The following ANXA3 variants were observed in gnomAD, a reference collection of about 807,000 sequenced individuals.
ANXA3 encodes annexin A3.
Under a neutral mutation model 48.8 loss-of-function variants are expected in ANXA3, and 46 were observed. That is an observed-to-expected ratio of 0.94 (90% CI 0.74 to 1.21). The LOEUF is 1.21. Among genes scored for constraint, ANXA3 ranks in the 50% most tolerant of loss-of-function variants. The pLI is 0.00. For missense variants in ANXA3, 383 were observed against 378.6 expected (o/e 1.01, Z -0.10); for synonymous variants, 128 against 134.7 (o/e 0.95, Z 0.35).
chr4:78,596,846 C>T (rs1278290389), intron 9 of ANXA3, among the ~76,000 whole-genome samples: 1 of 152,132 alleles, frequency 6.6e-6, no homozygotes, highest in Non-Finnish European at 1.5e-5. Context: ...TCAAGAAATT[C>T]AAATGCCTTC....
chr4:78,569,167 C>A (rs1231007134), intron 2 of ANXA3, among the ~76,000 whole-genome samples: 1 of 152,126 alleles, frequency 6.6e-6, no homozygotes, highest in African/African-American at 2.4e-5. Context: ...CTGGCTTCAG[C>A]AGCATTTTTC....
intron 6 of ANXA3, among the ~76,000 whole-genome samples, chr4:78,588,173 C>T (rs1005338210): frequency 6.6e-6 from 1 of 151,968 alleles, no homozygotes; most frequent in African/African-American, 2.4e-5. Context: ...GGGCAGATTG[C>T]GTGAGCCAAG....
intron 2 of ANXA3, among the ~76,000 whole-genome samples, chr4:78,558,343 A>G (rs1722559087): frequency 6.6e-6 from 1 of 152,280 alleles, no homozygotes; most frequent in South Asian, 2.1e-4. Flanking sequence ...CTACTGAACT[A>G]TACACTTAGA....
chr4:78,579,138 A>G lies in ANXA3; in HGVS notation c.198+17A>G. On this transcript the variant is annotated intron_variant, in intron 4 of 12. Transcript: ENST00000264908. Reference sequence around the variant, plus strand: ...TATGGAAAGGTAAGGTCACATTAACATGACAGGCAGTAAAGAGATCATTAA... The same window carrying G: ...TATGGAAAGGTAAGGTCACATTAACGTGACAGGCAGTAAAGAGATCATTAA... The G allele has an allele frequency of 6.4e-7, 1 of 1,557,770 alleles. No individual in the cohort carries two copies. The highest frequency in any genetic ancestry group is 8.8e-7 in the Non-Finnish European group (1 of 1,131,242).
At chr4:78,573,468 A>G (rs943964573) in intron 3 of ANXA3, among the ~76,000 whole-genome samples, 3 of 152,202 alleles carry the variant, frequency 2.0e-5, no homozygotes, top group African/African-American at 7.2e-5. Context: ...TAATATTAAA[A>G]ATTACCACTG....
At chr4:78,593,557 A>T (rs1316686532) in intron 7 of ANXA3, among the ~76,000 whole-genome samples, 1 of 149,602 alleles carries the variant, frequency 6.7e-6, no homozygotes, top group Non-Finnish European at 1.5e-5. Flanking sequence ...CTTCAGATTT[A>T]TGGAAAAATT....
chr4:78,561,604 C>T (rs1480334646), intron 2 of ANXA3, among the ~76,000 whole-genome samples: 1 of 152,116 alleles, frequency 6.6e-6, no homozygotes, highest in African/African-American at 2.4e-5. Context: ...GAGGAGAAAG[C>T]TGTGTTCATG....
intron 1 of ANXA3, among the ~76,000 whole-genome samples, chr4:78,553,409 C>A (rs1007807009): frequency 2.6e-5 from 4 of 152,074 alleles, no homozygotes. Context: ...GTGAAACTGA[C>A]CTCGTTCAAT....
intron 4 of ANXA3, 116 bp from the exon 5 acceptor site, chr4:78,582,061 C>A: frequency 1.6e-6 from 1 of 626,900 alleles, no homozygotes; most frequent in Non-Finnish European, 2.9e-6. Flanking sequence ...TGTTTATTCC[C>A]TGTGGATGGA....
intron 2 of ANXA3, among the ~76,000 whole-genome samples, chr4:78,569,117 C>A (rs1431348188): frequency 6.6e-6 from 1 of 152,180 alleles, no homozygotes; most frequent in Non-Finnish European, 1.5e-5. Flanking sequence ...GTTACTTTCC[C>A]CCTTTATCTA....
intron 4 of ANXA3, among the ~76,000 whole-genome samples, chr4:78,581,938 AC>A (rs1405352638): frequency 6.6e-6 from 1 of 152,238 alleles, no homozygotes; most frequent in Non-Finnish European, 1.5e-5. Flanking sequence ...TAACTGTGGC[AC>A]TCATGGAATC....
intron 7 of ANXA3, among the ~76,000 whole-genome samples, chr4:78,593,891 T>C (rs1723359513): frequency 6.7e-6 from 1 of 150,292 alleles, no homozygotes; most frequent in Non-Finnish European, 1.5e-5. Flanking sequence ...AATTGGTGAA[T>C]GAATATTGAT....
Position 78,595,943 on chromosome 4 carries a change from G to T in ANXA3, c.634+56G>T, listed in dbSNP as rs1186897178. 8 of 1,211,784 alleles carry T rather than the reference G, an allele frequency of 6.6e-6. No individual in the cohort carries two copies. In the Admixed American group the frequency reaches 9.4e-5, roughly 14 times the overall value. The allele number at this position is 1,211,784 out of a possible 1,614,324, so 75.1% of individuals were successfully genotyped here. A position where few individuals can be genotyped will look rare whatever the true frequency, so the allele number is the denominator to read the frequency against. ...GTATGTTGTTTTTACAAATGTTTTTGCATTTAGTATACAAAGATCTAGAAA... is the reference window on the plus strand; with the variant it reads ...GTATGTTGTTTTTACAAATGTTTTTTCATTTAGTATACAAAGATCTAGAAA... On this transcript the variant is annotated intron_variant, in intron 9 of 12. Transcript: ENST00000264908.
chr4:78,573,336 A>G (rs932840823), intron 3 of ANXA3, 69 bp downstream of exon 3: 27 of 1,192,514 alleles, frequency 2.3e-5, no homozygotes, highest in Non-Finnish European at 5.0e-6. Flanking sequence ...CTAAAAGTTC[A>G]GTTTGCTCAG....
At chr4:78,564,939 G>A (rs1222948311) in intron 2 of ANXA3, among the ~76,000 whole-genome samples, 1 of 152,074 alleles carries the variant, frequency 6.6e-6, no homozygotes, top group Admixed American at 6.5e-5. Flanking sequence ...CCAGTGTAAG[G>A]AGTTTGGACT....
intron 10 of ANXA3, among the ~76,000 whole-genome samples, chr4:78,600,241 C>T (rs527612393): frequency 3.0e-4 from 46 of 152,280 alleles, no homozygotes; most frequent in Non-Finnish European, 5.0e-4. Context: ...TTAACTCTAA[C>T]GGACTCCCAA....
At chr4:78,574,406 TGA>T (rs992511112) in intron 3 of ANXA3, among the ~76,000 whole-genome samples, 5 of 152,042 alleles carry the variant, frequency 3.3e-5, no homozygotes, top group African/African-American at 9.6e-5. Flanking sequence ...GATGACAGAG[TGA>T]GAGTCTATTT....
intron 9 of ANXA3, among the ~76,000 whole-genome samples, chr4:78,596,561 G>A (rs902569732): frequency 1.3e-5 from 2 of 152,180 alleles, no homozygotes; most frequent in Admixed American, 1.3e-4. Context: ...GGAACAATGA[G>A]TAAACATAAG....
At chr4:78,592,092 A>G (rs181707405) in intron 7 of ANXA3, among the ~76,000 whole-genome samples, 59 of 152,334 alleles carry the variant, frequency 3.9e-4, no homozygotes, top group Middle Eastern at 6.8e-3. Context: ...CAGGATTAAA[A>G]AAAAGAAAAT....
Sources: gnomAD v4.1 joint callset for allele counts (sites outside exome capture counted in the v4.1 genomes callset) on GRCh38, gnomAD v4.1.1 for gene constraint, MANE v1.5 for transcripts, NCBI Gene and HGNC (gene_info 2026-07-23, HGNC 2026-07-21) for gene names.